The following TUBGCP3 variants were observed in gnomAD, a reference collection of about 807,000 sequenced individuals.
TUBGCP3 encodes the protein tubulin gamma complex component 3, also known as gamma-tubulin complex component 3.
TUBGCP3 carries 50 observed loss-of-function variants against 123.1 expected under a neutral mutation model. The ratio of observed to expected loss-of-function variants is 0.41; its 90% confidence interval spans 0.32 to 0.51. TUBGCP3 has a LOEUF of 0.51. Ranked by LOEUF, TUBGCP3 falls within the 20% of genes least tolerant of loss-of-function variation. TUBGCP3 has a pLI of 0.36. For missense variants in TUBGCP3, 882 were observed against 1,127.0 expected, an observed-to-expected ratio of 0.78 and a Z score of 3.11; for synonymous variants, 405 against 413.9, an observed-to-expected ratio of 0.98 and a Z score of 0.26.
rs898676340 is a variant in TUBGCP3, at chr13:112,487,119, G to A, written c.2566-968C>T. Among the ~76,000 whole-genome samples the A allele has an allele frequency of 7.9e-5, 12 of 151,946 alleles. 1 individual carries two copies. The Middle Eastern group carries it at 0.024, about 301-fold the overall frequency. ...TGTGTGTGTATCACTGCCTTTTTAG[G>A]TGAGGGAAGAAGAACACGCCTAAGA... On this transcript the variant is annotated intron_variant, in intron 21 of 21. Coordinates refer to ENST00000261965, the MANE Select transcript of TUBGCP3 (RefSeq NM_006322.6).
chr13:112,497,853 G>T (rs1222657580), intron 20 of TUBGCP3, among the ~76,000 whole-genome samples: 1 of 152,212 alleles, frequency 6.6e-6, no homozygotes, highest in Non-Finnish European at 1.5e-5. Flanking sequence ...TGGGACTACT[G>T]TCATATATGC....
In TUBGCP3 at chr13:112,485,985, C is replaced by G. The variant is rs779123665; in HGVS notation, c.*8G>C. 37 of 1,575,428 alleles carry G rather than the reference C, an allele frequency of 2.3e-5. 1 individual carries two copies. In the Middle Eastern group the frequency reaches 1.4e-3, roughly 58 times the overall value. ...ATCACCCGCAGCTCCCTGGGAGGACCGCGAGCTTCACGTGTGGGAGCTGCG... is the reference window on the plus strand; with the variant it reads ...ATCACCCGCAGCTCCCTGGGAGGACGGCGAGCTTCACGTGTGGGAGCTGCG... On this transcript the variant is annotated 3_prime_UTR_variant, in exon 22 of 22. Transcript: ENST00000261965.
At chr13:112,500,614 G>A (rs1435881203) in intron 19 of TUBGCP3, among the ~76,000 whole-genome samples, 1 of 152,138 alleles carries the variant, frequency 6.6e-6, no homozygotes, top group Non-Finnish European at 1.5e-5. Flanking sequence ...AAGTTTATAG[G>A]AGAAAAATGA....
the TUBGCP3 span, among the ~76,000 whole-genome samples, chr13:112,596,232 T>C: frequency 4.6e-5 from 7 of 152,218 alleles, no homozygotes; most frequent in Non-Finnish European, 1.0e-4. Flanking sequence ...TGTACTTTCT[T>C]CCTGATGTTT....
chr13:112,494,838 T>C (rs187811003), intron 20 of TUBGCP3, among the ~76,000 whole-genome samples: 1 of 152,386 alleles, frequency 6.6e-6, no homozygotes, highest in East Asian at 1.9e-4. Context: ...GAGCACCTTT[T>C]CATAAGCCTT....
At chr13:112,534,414 CA>C (rs1175974225) in intron 11 of TUBGCP3, among the ~76,000 whole-genome samples, 5 of 152,074 alleles carry the variant, frequency 3.3e-5, no homozygotes, top group Admixed American at 2.0e-4. Flanking sequence ...GGCGTGGTGG[CA>C]AGGCGCCTGT....
intron 20 of TUBGCP3, among the ~76,000 whole-genome samples, chr13:112,495,432 C>A (rs2296534): frequency 0.74 from 112,209 of 152,144 alleles, 42,382 homozygotes; most frequent in Middle Eastern, 0.83. Context: ...AGAATGATGT[C>A]TTATTATAAA....
intron 1 of TUBGCP3, among the ~76,000 whole-genome samples, chr13:112,569,697 T>C (rs925972084): frequency 3.9e-5 from 6 of 152,192 alleles, no homozygotes; most frequent in African/African-American, 7.2e-5. Context: ...TAGATGAAGA[T>C]GACAGCTTAA....
At chr13:112,604,620 G>T in the TUBGCP3 span, 68 of 152,176 alleles carry the variant, frequency 4.5e-4, no homozygotes, top group African/African-American at 1.6e-3. Context: ...TATTTCATTG[G>T]CAAAAATAAG....
chr13:112,505,498 C>T (rs1296662194), intron 17 of TUBGCP3, among the ~76,000 whole-genome samples: 1 of 152,246 alleles, frequency 6.6e-6, no homozygotes, highest in African/African-American at 2.4e-5. Context: ...AGACATCAGT[C>T]TTGCCTCCTC....
At position 112,587,901 on chromosome 13, in the gene TUBGCP3, C is replaced by T; in HGVS notation, c.76+4G>A. ...GCGGGCTTCGCGTCGCCCGGCCACT[C>T]TACCTTCGCTCCTGCCCAGGATCCT... On this transcript the variant is annotated splice_donor_region_variant and intron_variant, in intron 1 of 21. Coordinates refer to ENST00000261965, the MANE Select transcript of TUBGCP3 (RefSeq NM_006322.6). The T allele has an allele frequency of 6.3e-7, 1 of 1,591,082 alleles. No individual in the cohort carries two copies. Among genetic ancestry groups the T allele is most frequent in the Non-Finnish European group, 8.5e-7 (1 of 1,170,650 alleles).
intron 11 of TUBGCP3, among the ~76,000 whole-genome samples, chr13:112,529,645 G>C (rs955284610): frequency 1.3e-5 from 2 of 152,136 alleles, no homozygotes; most frequent in Admixed American, 1.3e-4. Flanking sequence ...GCTTAGCTCT[G>C]TCTCTCCCAA....
At chr13:112,572,369 T>C (rs1471513312) in intron 1 of TUBGCP3, among the ~76,000 whole-genome samples, 1 of 152,236 alleles carries the variant, frequency 6.6e-6, no homozygotes, top group African/African-American at 2.4e-5. Flanking sequence ...ATACGTGTGC[T>C]GTGCTGGTTT....
At chr13:112,544,179 C>T (rs9603906) in intron 11 of TUBGCP3, among the ~76,000 whole-genome samples, 17,597 of 151,908 alleles carry the variant, frequency 0.12, 1,428 homozygotes, top group African/African-American at 0.24. Flanking sequence ...ACAGGCCGGG[C>T]GCAGTGGCTC....
At chr13:112,504,756 A>G in intron 17 of TUBGCP3, 42 bp from the exon 18 acceptor site, 2 of 1,509,046 alleles carry the variant, frequency 1.3e-6, no homozygotes, top group African/African-American at 1.4e-5. Flanking sequence ...ATGCAAGTAC[A>G]CTTACCGACA....
chr13:112,487,551 T>C (rs1359089172), intron 21 of TUBGCP3, among the ~76,000 whole-genome samples: 1 of 152,242 alleles, frequency 6.6e-6, no homozygotes, highest in African/African-American at 2.4e-5. Flanking sequence ...TTTGTAGCTA[T>C]ACAAAGGATT....
intron 11 of TUBGCP3, among the ~76,000 whole-genome samples, chr13:112,530,793 C>T (rs1046263585): frequency 2.0e-5 from 3 of 152,202 alleles, no homozygotes; most frequent in Non-Finnish European, 2.9e-5. Flanking sequence ...ACTACGCATA[C>T]GATACACACA....
At position 112,519,734 on chromosome 13, in the gene TUBGCP3, C is replaced by T; in HGVS notation, c.1881+152G>A. 9.7e-7 allele frequency: 1 copy of T among 1,034,646 alleles called. No homozygotes were observed. The highest frequency in any genetic ancestry group is 2.0e-5 in the South Asian group (1 of 49,776). 64.1% of individuals were successfully genotyped at this position (1,034,646 alleles called of 1,614,324 possible). A position where few individuals can be genotyped will look rare whatever the true frequency, so the allele number is the denominator to read the frequency against. ...ATGTGCTGACCAGGCAGTAACAAGCCACAGAGTGGAGTTCCTACTCAGGCT... is the reference window on the plus strand; with the variant it reads ...ATGTGCTGACCAGGCAGTAACAAGCTACAGAGTGGAGTTCCTACTCAGGCT... On this transcript the variant is annotated intron_variant, in intron 15 of 21. Transcript: ENST00000261965. This position sits in a 1 kb window ranked among gnomAD's most constrained non-coding sequence, Gnocchi z 6.2.
chr13:112,509,694 C>T (rs565191495), intron 17 of TUBGCP3, among the ~76,000 whole-genome samples: 9 of 152,154 alleles, frequency 5.9e-5, no homozygotes, highest in East Asian at 3.9e-4. Context: ...CTGCTGAGGA[C>T]GCTGCTACTG....
Sources: allele counts gnomAD v4.1 joint callset (sites outside exome capture counted in the v4.1 genomes callset), GRCh38; gene constraint gnomAD v4.1.1; non-coding constraint Gnocchi (gnomAD v3.1); transcripts MANE v1.5; gene names NCBI Gene and HGNC (gene_info 2026-07-23, HGNC 2026-07-21).